Variants in NRXN1 observed in about 807,000 individuals in gnomAD.
The protein encoded by NRXN1 is neurexin 1.
In NRXN1, 39 loss-of-function variants were observed where a neutral mutation model predicts 150.9. The observed-to-expected ratio is 0.26, with a 90% CI of 0.20 to 0.34. The LOEUF (loss-of-function observed/expected upper bound fraction) is 0.34, where lower values mean the gene tolerates loss of function less well. NRXN1 is among the 10% of genes least tolerant of loss of function. NRXN1 has a pLI of 1.00. For missense variants in NRXN1, 1,815 were observed against 1,949.9 expected, an observed-to-expected ratio of 0.93 and a Z score of 1.30; for synonymous variants, 924 against 757.0, an observed-to-expected ratio of 1.22 and a Z score of -3.62.
chr2:50,122,351 A>C (rs1668139951), intron 18 of NRXN1, among the ~76,000 whole-genome samples: 1 of 152,192 alleles, frequency 6.6e-6, no homozygotes, highest in East Asian at 1.9e-4. Flanking sequence ...CCAAACAAAA[A>C]TTTCTCCCTA....
At chr2:50,646,177 G>A (rs935891446) in intron 5 of NRXN1, among the ~76,000 whole-genome samples, 25 of 151,864 alleles carry the variant, frequency 1.6e-4, no homozygotes, top group African/African-American at 4.8e-4. Context: ...TGGTGCAAAA[G>A]TAATTGCAGT....
chr2:50,819,513 A>G (rs1159842012), intron 5 of NRXN1, among the ~76,000 whole-genome samples: 1 of 152,060 alleles, frequency 6.6e-6, no homozygotes, highest in African/African-American at 2.4e-5. Flanking sequence ...AGTAGCTGAC[A>G]GGGGATAATA....
At chr2:50,978,085 G>T (rs1329557372) in intron 2 of NRXN1, among the ~76,000 whole-genome samples, 3 of 150,550 alleles carry the variant, frequency 2.0e-5, no homozygotes, top group Non-Finnish European at 4.4e-5. Context: ...ATACTACAGT[G>T]ATCTATACAT....
intron 8 of NRXN1, among the ~76,000 whole-genome samples, chr2:50,616,978 C>A (rs1411086382): frequency 6.6e-6 from 1 of 152,150 alleles, no homozygotes; most frequent in Admixed American, 6.6e-5. Flanking sequence ...ATGGGTATAT[C>A]CCTCTCTTTT....
intron 5 of NRXN1, among the ~76,000 whole-genome samples, chr2:50,829,974 G>A (rs557773293): frequency 9.5e-6 from 1 of 105,708 alleles, no homozygotes; most frequent in African/African-American, 4.0e-5. Flanking sequence ...AAACCGCACA[G>A]GAACCCAAAG....
intron 5 of NRXN1, among the ~76,000 whole-genome samples, chr2:50,843,277 G>A (rs910992071): frequency 3.3e-5 from 5 of 152,078 alleles, no homozygotes; most frequent in African/African-American, 1.2e-4. Flanking sequence ...TCCTCCAATG[G>A]AGACTTTGCA....
At chr2:50,511,070 A>G (rs1478597535) in intron 12 of NRXN1, among the ~76,000 whole-genome samples, 2 of 150,444 alleles carry the variant, frequency 1.3e-5, no homozygotes, top group African/African-American at 2.4e-5. Context: ...TTTTTTTTTA[A>G]TTATTATTAA....
At chr2:50,040,219 T>C (rs1484437442) in intron 21 of NRXN1, among the ~76,000 whole-genome samples, 1 of 152,046 alleles carries the variant, frequency 6.6e-6, no homozygotes, top group African/African-American at 2.4e-5. Flanking sequence ...ATAAAAAATA[T>C]CTTTAGCTTA....
intron 18 of NRXN1, among the ~76,000 whole-genome samples, chr2:50,218,416 T>C (rs184599813): frequency 2.8e-4 from 43 of 152,054 alleles, no homozygotes; most frequent in Non-Finnish European, 5.0e-4. Context: ...ATGGTGATGA[T>C]TCTCTCAAAA....
chr2:50,466,890 G>A (rs939000123), intron 16 of NRXN1, among the ~76,000 whole-genome samples: 1 of 151,612 alleles, frequency 6.6e-6, no homozygotes, highest in Non-Finnish European at 1.5e-5. Context: ...CAGTAGCAAA[G>A]CAATTATCCC....
intron 5 of NRXN1, among the ~76,000 whole-genome samples, chr2:50,780,284 T>C (rs1054094604): frequency 2.1e-4 from 32 of 152,156 alleles, no homozygotes; most frequent in Admixed American, 2.1e-3. Context: ...AATTTTCTCC[T>C]TTCTATACAG....
At chr2:49,935,203 C>T (rs537163243) in intron 22 of NRXN1, among the ~76,000 whole-genome samples, 9 of 152,318 alleles carry the variant, frequency 5.9e-5, no homozygotes, top group Middle Eastern at 3.4e-3. Context: ...TTATTCCTTT[C>T]ATTTTGCAGA....
intron 17 of NRXN1, among the ~76,000 whole-genome samples, chr2:50,438,295 A>T (rs558676209): frequency 6.6e-6 from 1 of 152,346 alleles, no homozygotes; most frequent in East Asian, 1.9e-4. Context: ...GTGGATATAC[A>T]GCCCCAGATG....
At chr2:50,559,578 T>C (rs781204706) in intron 8 of NRXN1, among the ~76,000 whole-genome samples, 2 of 152,114 alleles carry the variant, frequency 1.3e-5, no homozygotes, top group African/African-American at 4.8e-5. Flanking sequence ...AACTATATAA[T>C]AGGTAAACTA....
In NRXN1 at chr2:50,236,985, C is replaced by A. The variant is rs748051184; in HGVS notation, c.3365-15G>T. On this transcript the variant is annotated splice_polypyrimidine_tract_variant and intron_variant, in intron 17 of 22. Coordinates refer to ENST00000401669, the MANE Select transcript of NRXN1 (RefSeq NM_001330078.2). ...TGTCGTCCCAGCTGGAAAACAAAAA[C>A]CAAAACCAATTAGTCCAAATACATC... The A allele has an allele frequency of 1.2e-6, 2 of 1,612,558 alleles. No individual in the cohort carries two copies. The highest frequency in any genetic ancestry group is 2.2e-5 in the East Asian group (1 of 44,758).
intron 5 of NRXN1, among the ~76,000 whole-genome samples, chr2:50,871,600 T>A (rs1677790657): frequency 6.6e-6 from 1 of 151,896 alleles, no homozygotes; most frequent in South Asian, 2.1e-4. Context: ...TTTAAGGACA[T>A]CTCTGCTGCT....
In NRXN1 at chr2:50,350,367, G is replaced by A. The variant is rs541604607; in HGVS notation, c.3365-113397C>T. 3.9e-5 allele frequency among the ~76,000 whole-genome samples: 6 copies of A among 152,242 alleles called. No homozygotes were observed. In the East Asian group the frequency reaches 9.7e-4, roughly 25 times the overall value. ...CTTGAGGGCCATTTTAAACAGCAAA[G>A]TCACCAACGTAAAACACAAAAACGT... On this transcript the variant is annotated intron_variant, in intron 17 of 22. Coordinates refer to ENST00000401669, the MANE Select transcript of NRXN1 (RefSeq NM_001330078.2).
chr2:50,731,840 A>G (rs1385719704), intron 5 of NRXN1, among the ~76,000 whole-genome samples: 5 of 152,180 alleles, frequency 3.3e-5, no homozygotes, highest in Non-Finnish European at 5.9e-5. Context: ...CTTCTCATCC[A>G]GTTGCATGAT....
At chr2:50,321,723 C>T (rs955715362) in intron 17 of NRXN1, among the ~76,000 whole-genome samples, 4 of 152,076 alleles carry the variant, frequency 2.6e-5, no homozygotes, top group Admixed American at 2.6e-4. Flanking sequence ...ATTAACTTCA[C>T]TTTTCATTAG....
Sources: allele counts gnomAD v4.1 joint callset (sites outside exome capture counted in the v4.1 genomes callset), GRCh38; gene constraint gnomAD v4.1.1; transcripts MANE v1.5; gene names NCBI Gene and HGNC (gene_info 2026-07-23, HGNC 2026-07-21).